Variants in DCDC1 observed in about 807,000 individuals in gnomAD.
DCDC1 encodes doublecortin domain-containing protein 1.
A neutral mutation model predicts 178.3 loss-of-function variants in DCDC1; 200 were observed. That is an observed-to-expected ratio of 1.12 (90% confidence interval 1.00 to 1.26). The LOEUF is 1.26. Ranked by LOEUF, DCDC1 falls within the 50% of genes most tolerant of loss-of-function variation. The pLI is 0.00. For missense variants in DCDC1, 1,983 were observed against 1,749.2 expected (o/e 1.13, Z -2.38); for synonymous variants, 690 against 604.8 (o/e 1.14, Z -2.07).
intron 11 of DCDC1, among the ~76,000 whole-genome samples, chr11:31,125,465 T>C (rs1000083452): frequency 3.9e-5 from 6 of 152,142 alleles, no homozygotes; most frequent in Non-Finnish European, 8.8e-5. Context: ...CTTATAAAGA[T>C]ACATGCATGT....
intron 11 of DCDC1, among the ~76,000 whole-genome samples, chr11:31,111,942 T>G (rs1959183537): frequency 6.6e-6 from 1 of 152,190 alleles, no homozygotes; most frequent in Non-Finnish European, 1.5e-5. Flanking sequence ...CCTAATACCT[T>G]CATTAGCTCA....
intron 14 of DCDC1, 60 bp from the exon 15 acceptor site, chr11:31,102,342 C>T (rs951426775): frequency 6.8e-6 from 4 of 591,336 alleles, no homozygotes; most frequent in Non-Finnish European, 1.3e-5. Context: ...AATTACAATG[C>T]CCTTTACTCT....
chr11:30,882,175 C>T (rs182509724), intron 36 of DCDC1: 37 of 152,322 alleles, frequency 2.4e-4, no homozygotes, highest in African/African-American at 8.7e-4. Flanking sequence ...CTACAACTCA[C>T]AACAAGGCAG....
intron 37 of DCDC1, 49 bp downstream of exon 37, chr11:30,881,109 A>G: frequency 1.3e-6 from 2 of 1,599,084 alleles, no homozygotes; most frequent in Non-Finnish European, 1.7e-6. Flanking sequence ...AGAAGATTGA[A>G]TGCTTTAATT....
intron 38 of DCDC1, 71 bp downstream of exon 38, chr11:30,878,473 A>G (rs1363273174): frequency 7.8e-7 from 1 of 1,287,212 alleles, no homozygotes; most frequent in Non-Finnish European, 1.0e-6. Flanking sequence ...AGAGGGGGGA[A>G]CTGCATGAAA....
At chr11:31,067,736 T>C (rs1023680188) in intron 18 of DCDC1, among the ~76,000 whole-genome samples, 13 of 152,132 alleles carry the variant, frequency 8.5e-5, no homozygotes, top group Non-Finnish European at 4.4e-5. Context: ...TAAAGCATGC[T>C]ACAACCTGAA....
At chr11:31,334,438 G>T (rs543569884) in intron 2 of DCDC1, among the ~76,000 whole-genome samples, 2 of 152,198 alleles carry the variant, frequency 1.3e-5, no homozygotes, top group Admixed American at 1.3e-4. Flanking sequence ...GAGGAGCTGC[G>T]ATGCTTTGGA....
intron 15 of DCDC1, among the ~76,000 whole-genome samples, chr11:31,101,372 A>T (rs1958492921): frequency 6.6e-6 from 1 of 152,172 alleles, no homozygotes; most frequent in Non-Finnish European, 1.5e-5. Context: ...GAGGGAAAAA[A>T]AAAAACATCT....
At chr11:31,295,896 C>G (rs1185097345) in intron 6 of DCDC1, among the ~76,000 whole-genome samples, 2 of 152,172 alleles carry the variant, frequency 1.3e-5, no homozygotes, top group African/African-American at 2.4e-5. Flanking sequence ...CCAACCAGAC[C>G]CATTTGTCCA....
chr11:31,025,513 A>G (rs1245795413), intron 20 of DCDC1, among the ~76,000 whole-genome samples: 1 of 151,822 alleles, frequency 6.6e-6, no homozygotes, highest in Non-Finnish European at 1.5e-5. Flanking sequence ...GTAAAATTCA[A>G]TGAACTAAGC....
intron 6 of DCDC1, 59 bp downstream of exon 6, chr11:31,305,556 T>G: frequency 6.5e-7 from 1 of 1,543,430 alleles, no homozygotes; most frequent in Non-Finnish European, 8.8e-7. Context: ...ATTTTTTAAT[T>G]GCACCCCTTA....
chr11:31,294,802 G>GA (rs1565566840), intron 6 of DCDC1, among the ~76,000 whole-genome samples: 1 of 9,334 alleles, frequency 1.1e-4, no homozygotes. Context: ...TAAAGAAAAA[G>GA]AAAGAAAGAA....
chr11:31,279,936 T>C (rs1339591228), intron 7 of DCDC1, among the ~76,000 whole-genome samples: 1 of 152,088 alleles, frequency 6.6e-6, no homozygotes, highest in African/African-American at 2.4e-5. Flanking sequence ...TTTTATTCTG[T>C]AATAGGAATT....
intron 10 of DCDC1, among the ~76,000 whole-genome samples, chr11:31,133,211 C>T (rs1962672474): frequency 6.6e-6 from 1 of 152,128 alleles, no homozygotes; most frequent in South Asian, 2.1e-4. Flanking sequence ...CAGCTGTCAG[C>T]CTGAATTCTG....
At chr11:31,256,741 G>C (rs1176872466) in intron 8 of DCDC1, among the ~76,000 whole-genome samples, 1 of 152,126 alleles carries the variant, frequency 6.6e-6, no homozygotes, top group East Asian at 1.9e-4. Context: ...TAGGGAAATT[G>C]ACCTTAAATT....
intron 20 of DCDC1, among the ~76,000 whole-genome samples, chr11:30,993,676 C>T (rs888373847): frequency 2.0e-5 from 3 of 151,990 alleles, no homozygotes; most frequent in Admixed American, 6.6e-5. Flanking sequence ...GTGAATACTA[C>T]CAACAACTCT....
intron 20 of DCDC1, among the ~76,000 whole-genome samples, chr11:30,987,338 G>A (rs1390771481): frequency 6.6e-6 from 1 of 152,110 alleles, no homozygotes; most frequent in Admixed American, 6.6e-5. Context: ...TTTTAAGGGA[G>A]AGAAAACCAC....
chr11:31,043,698 C>T (rs917563047), intron 20 of DCDC1, among the ~76,000 whole-genome samples: 3 of 152,052 alleles, frequency 2.0e-5, no homozygotes, highest in African/African-American at 4.8e-5. Context: ...TCCCTTCTGT[C>T]ACCTCCCAAA....
chr11:31,252,180 C>A (rs1006046498), intron 8 of DCDC1, among the ~76,000 whole-genome samples: 4 of 152,046 alleles, frequency 2.6e-5, no homozygotes, highest in Admixed American at 1.3e-4. Flanking sequence ...TAAATCTCTG[C>A]CCTAATCACA....
Sources: gnomAD v4.1 joint callset for allele counts (sites outside exome capture counted in the v4.1 genomes callset) on GRCh38, gnomAD v4.1.1 for gene constraint, MANE v1.5 for transcripts, NCBI Gene and HGNC (gene_info 2026-07-23, HGNC 2026-07-21) for gene names.